Variants in USH2A observed in about 807,000 individuals in gnomAD.
USH2A encodes usherin.
A neutral mutation model predicts 538.9 loss-of-function variants in USH2A; 443 were observed. The observed-to-expected ratio is 0.82, with a 90% CI of 0.76 to 0.89. USH2A has a LOEUF of 0.89. USH2A is among the 40% of genes least tolerant of loss of function. USH2A has a pLI of 0.00. For missense variants in USH2A, 6,633 were observed against 6,324.8 expected (o/e 1.05, Z -1.65); for synonymous variants, 2,413 against 2,273.5 (o/e 1.06, Z -1.75).
chr1:215,778,165 C>T (rs1012147761), intron 55 of USH2A, among the ~76,000 whole-genome samples: 3 of 151,940 alleles, frequency 2.0e-5, no homozygotes, highest in South Asian at 2.1e-4. Context: ...GATTCCCCTA[C>T]CTCAGCCTCC....
intron 61 of USH2A, 33 bp downstream of exon 61, chr1:215,727,997 C>G (rs749675301): frequency 1.2e-5 from 20 of 1,602,410 alleles, no homozygotes; most frequent in Non-Finnish European, 1.6e-5. Context: ...ACCAGATAAT[C>G]TGCATGTCTG....
chr1:216,395,933 ACAAACAAAAT>A lies in USH2A; in HGVS notation c.651+22571_651+22580del, dbSNP rs2039204473. On this transcript the variant is annotated intron_variant, in intron 3 of 71. Transcript: ENST00000307340. The stretch of plus-strand genomic sequence containing the variant: ...TACATATACTAATAAAAATGTAAGC[ACAAACAAAAT>A]CAAAACTCAGGACAATTTCTAGGCA... 3.3e-5 allele frequency among the ~76,000 whole-genome samples: 5 copies of A among 152,336 alleles called. No individual in the cohort carries two copies. The South Asian group carries it at 1.0e-3, about 32-fold the overall frequency.
chr1:216,285,873 G>A (rs1441946837), intron 11 of USH2A, among the ~76,000 whole-genome samples: 1 of 152,236 alleles, frequency 6.6e-6, no homozygotes, highest in Non-Finnish European at 1.5e-5. Flanking sequence ...CATGGGGACT[G>A]TAGGCCCTTT....
At position 215,853,074 on chromosome 1, in the gene USH2A, T is replaced by C. The variant is rs140987673; in HGVS notation, c.8846-7041A>G. ...CACCCACCCCTTTTCCCTTTTGTGC[T>C]GCCCCAACATAGGTTTTCCATGAGT... is the stretch of plus-strand genomic sequence containing the variant. On this transcript the variant is annotated intron_variant, in intron 44 of 71. Transcript: ENST00000307340. 3.9e-3 allele frequency among the ~76,000 whole-genome samples: 587 copies of C among 152,346 alleles called. 5 individuals are homozygous for C. The highest frequency in any genetic ancestry group is 0.013 in the African/African-American group (532 of 41,586).
chr1:216,259,968 A>G, intron 11 of USH2A, among the ~76,000 whole-genome samples: 1 of 152,132 alleles, frequency 6.6e-6, no homozygotes, highest in South Asian at 2.1e-4. Flanking sequence ...CTAATCAGAG[A>G]AACTGCAGTA....
intron 4 of USH2A, among the ~76,000 whole-genome samples, chr1:216,364,288 C>T (rs1386794427): frequency 6.6e-6 from 1 of 151,982 alleles, no homozygotes. Context: ...TTTAACAATT[C>T]TCTACATGAA....
intron 49 of USH2A, among the ~76,000 whole-genome samples, chr1:215,800,628 T>G (rs191018441): frequency 2.9e-4 from 44 of 152,300 alleles, no homozygotes; most frequent in African/African-American, 9.6e-4. Context: ...AAAAGCAAGA[T>G]GTACTGTTTA....
intron 43 of USH2A, among the ~76,000 whole-genome samples, chr1:215,872,915 C>T (rs143346325): frequency 5.3e-5 from 8 of 151,956 alleles, no homozygotes; most frequent in Admixed American, 1.3e-4. Flanking sequence ...CCTTCCACCA[C>T]GGGTAAAAGC....
At chr1:216,415,508 CTTTTTTTTT>C (rs71161423) in intron 3 of USH2A, among the ~76,000 whole-genome samples, 8 of 96,872 alleles carry the variant, frequency 8.3e-5, no homozygotes, top group Admixed American at 2.4e-4. Context: ...CTTCCTGTCA[CTTTTTTTTT>C]TTTTTTTTTT....
intron 38 of USH2A, among the ~76,000 whole-genome samples, chr1:215,909,166 G>A (rs1665711782): frequency 6.6e-6 from 1 of 151,318 alleles, no homozygotes; most frequent in Non-Finnish European, 1.5e-5. Context: ...CCATAACCTG[G>A]GAATATAGTA....
At chr1:216,216,228 A>G (rs2035339434) in intron 15 of USH2A, among the ~76,000 whole-genome samples, 1 of 152,170 alleles carries the variant, frequency 6.6e-6, no homozygotes, top group Non-Finnish European at 1.5e-5. Context: ...GAATTATGAC[A>G]GTTCTTTCCC....
chr1:216,178,026 A>G (rs1247033350), intron 20 of USH2A, among the ~76,000 whole-genome samples: 1 of 152,190 alleles, frequency 6.6e-6, no homozygotes, highest in Non-Finnish European at 1.5e-5. Context: ...TGATGTGGAT[A>G]TAAGAATTGA....
chr1:216,294,900 G>A (rs191626975), intron 9 of USH2A, among the ~76,000 whole-genome samples: 3 of 151,552 alleles, frequency 2.0e-5, no homozygotes, highest in Admixed American at 6.6e-5. Flanking sequence ...TTTTTTAATT[G>A]ACTTTAAAGA....
At chr1:216,320,072 ATAGTTTGTATGT>A (rs2037577477) in intron 9 of USH2A, among the ~76,000 whole-genome samples, 1 of 152,104 alleles carries the variant, frequency 6.6e-6, no homozygotes, top group African/African-American at 2.4e-5. Flanking sequence ...AGCATTTTAT[ATAGTTTGTATGT>A]TTGTCCCCTC....
chr1:215,945,702 G>T (rs1261272491), intron 37 of USH2A, among the ~76,000 whole-genome samples: 1 of 152,018 alleles, frequency 6.6e-6, no homozygotes, highest in Non-Finnish European at 1.5e-5. Flanking sequence ...TTCTAAACAT[G>T]TTCAGAACTC....
intron 15 of USH2A, among the ~76,000 whole-genome samples, chr1:216,211,940 C>A (rs577666935): frequency 6.6e-6 from 1 of 152,084 alleles, no homozygotes; most frequent in South Asian, 2.1e-4. Flanking sequence ...AAGAACCTTG[C>A]AATTCATGGT....
chr1:216,109,811 C>T (rs192696413), intron 21 of USH2A, among the ~76,000 whole-genome samples: 3 of 152,244 alleles, frequency 2.0e-5, no homozygotes, highest in Non-Finnish European at 4.4e-5. Context: ...ATTAATCGGA[C>T]CTCTGCAACA....
chr1:216,412,817 G>T (rs898226239), intron 3 of USH2A, among the ~76,000 whole-genome samples: 30 of 151,668 alleles, frequency 2.0e-4, no homozygotes, highest in Non-Finnish European at 3.7e-4. Context: ...AGAAGCTTGG[G>T]ACTATAAATG....
At chr1:215,799,676 G>GGA (rs141555771) in intron 49 of USH2A, among the ~76,000 whole-genome samples, 1,752 of 152,116 alleles carry the variant, frequency 0.012, 36 homozygotes, top group African/African-American at 0.04. Flanking sequence ...TGACAGTCTG[G>GGA]GAAATTTGGG....
Sources: gnomAD v4.1 joint callset for allele counts (sites outside exome capture counted in the v4.1 genomes callset) on GRCh38, gnomAD v4.1.1 for gene constraint, MANE v1.5 for transcripts, NCBI Gene and HGNC (gene_info 2026-07-23, HGNC 2026-07-21) for gene names.